Variants in RBM19 observed in about 807,000 individuals in gnomAD.
RBM19 encodes the protein probable RNA-binding protein 19.
Under a neutral mutation model 116.8 loss-of-function variants are expected in RBM19, and 94 were observed. The observed-to-expected ratio is 0.80, with a 90% CI of 0.68 to 0.95. The LOEUF is 0.95. Among genes scored for constraint, RBM19 ranks in the 40% least tolerant of loss-of-function variants. The probability of loss-of-function intolerance (pLI) is 0.00; values close to 1 mark genes in which losing one functional copy is unlikely to be tolerated. For synonymous variants in RBM19, 475 were observed against 494.1 expected, an observed-to-expected ratio of 0.96 and a Z score of 0.51; for missense variants, 1,161 against 1,220.7, an observed-to-expected ratio of 0.95 and a Z score of 0.73.
chr12:113,943,595 G>A (rs945462617), intron 13 of RBM19, among the ~76,000 whole-genome samples: 3 of 152,110 alleles, frequency 2.0e-5, no homozygotes, highest in African/African-American at 7.2e-5. Flanking sequence ...TGAGGCAGGG[G>A]GATCACCTGA....
intron 21 of RBM19, among the ~76,000 whole-genome samples, chr12:113,874,615 A>ATGCAG (rs1250587802): frequency 6.6e-6 from 1 of 152,218 alleles, no homozygotes; most frequent in Non-Finnish European, 1.5e-5. Flanking sequence ...TCAGCCCTTG[A>ATGCAG]ACTCAGTCCT....
intron 10 of RBM19, among the ~76,000 whole-genome samples, chr12:113,947,786 T>C (rs1235213176): frequency 6.6e-6 from 1 of 152,224 alleles, no homozygotes; most frequent in Non-Finnish European, 1.5e-5. Flanking sequence ...CTGCTAGAGT[T>C]AGTGCCAAAG....
chr12:113,909,965 C>T (rs553411392), intron 21 of RBM19, among the ~76,000 whole-genome samples: 3 of 152,196 alleles, frequency 2.0e-5, no homozygotes, highest in South Asian at 2.1e-4. Flanking sequence ...AACTGAGGCC[C>T]GGAGAGCTAA....
intron 21 of RBM19, among the ~76,000 whole-genome samples, chr12:113,880,420 G>A (rs1212502492): frequency 2.0e-5 from 3 of 152,162 alleles, no homozygotes; most frequent in Non-Finnish European, 4.4e-5. Flanking sequence ...TGAACACAGC[G>A]ACATGAATTC....
At chr12:113,920,724 T>G in intron 18 of RBM19, 34 bp from the exon 19 acceptor site, 6 of 1,592,206 alleles carry the variant, frequency 3.8e-6, no homozygotes, top group African/African-American at 1.3e-5. Flanking sequence ...CACCAGTCGG[T>G]GAAGCGGAAG....
intron 16 of RBM19, among the ~76,000 whole-genome samples, chr12:113,929,912 T>C (rs1028654844): frequency 1.3e-5 from 2 of 152,164 alleles, no homozygotes; most frequent in Admixed American, 1.3e-4. Flanking sequence ...AAAAATTTTA[T>C]AGAGAAAAGC....
intron 22 of RBM19, among the ~76,000 whole-genome samples, chr12:113,852,411 T>C (rs1410405892): frequency 6.6e-6 from 1 of 152,152 alleles, no homozygotes. Context: ...CATTTTCAAT[T>C]CCTCCAGGGC....
At chr12:113,834,240 G>A (rs943582541) in intron 23 of RBM19, among the ~76,000 whole-genome samples, 2 of 152,174 alleles carry the variant, frequency 1.3e-5, no homozygotes, top group African/African-American at 4.8e-5. Context: ...TGCTAATAAG[G>A]TCATCAGTGA....
In RBM19 at chr12:113,927,092, T is replaced by G; in HGVS notation, c.2206A>C (p.Asn736His). ...SLPGCTLFIK[N>H]LNFDTTEEKL... The stretch of plus-strand genomic sequence containing the variant: ...TCTTCTGTTGTGTCAAAATTGAGAT[T>G]CTTAATAAACAGAGTACATCCTGGG... The change falls in exon 17 of 24, where the codon AAT becomes CAT. Residue 736 changes from asparagine (N) to histidine (H), a missense_variant. Physicochemically the swap from Asn to His is moderately conservative, Grantham distance 68 (BLOSUM62 1). Transcript: ENST00000261741. 2 of 1,613,602 alleles carry G rather than the reference T, an allele frequency of 1.2e-6. No individual in the cohort carries two copies. The highest frequency in any genetic ancestry group is 1.7e-6 in the Non-Finnish European group (2 of 1,180,000).
chr12:113,937,273 C>T (rs1870154736), intron 15 of RBM19, 137 bp from the exon 16 acceptor site: 2 of 1,029,426 alleles, frequency 1.9e-6, no homozygotes, highest in Non-Finnish European at 1.4e-6. Context: ...GGAAGGAGCC[C>T]AGCCCAGAGC....
At chr12:113,836,843 C>CACAA (rs1206326903) in intron 23 of RBM19, among the ~76,000 whole-genome samples, 1 of 143,492 alleles carries the variant, frequency 7.0e-6, no homozygotes, top group Non-Finnish European at 1.5e-5. Flanking sequence ...CACACACACA[C>CACAA]GTGTCCCAAG....
At chr12:113,858,263 C>T (rs573595518) in intron 22 of RBM19, among the ~76,000 whole-genome samples, 3 of 152,342 alleles carry the variant, frequency 2.0e-5, no homozygotes, top group South Asian at 2.1e-4. Flanking sequence ...GGAGGGATTT[C>T]GGTATGCACG....
At chr12:113,928,717 G>T (rs1160248490) in intron 16 of RBM19, among the ~76,000 whole-genome samples, 4 of 150,814 alleles carry the variant, frequency 2.7e-5, no homozygotes, top group African/African-American at 9.7e-5. Context: ...CTGCAGTGGC[G>T]CTAAGCATGT....
At chr12:113,937,301 C>T (rs190313854) in intron 15 of RBM19, 165 bp from the exon 16 acceptor site, 2 of 735,548 alleles carry the variant, frequency 2.7e-6, no homozygotes, top group East Asian at 2.9e-5. Flanking sequence ...GCTGTCTACT[C>T]CCTGAGGACA....
chr12:113,859,029 C>T, intron 21 of RBM19, 133 bp from the exon 22 acceptor site: 1 of 749,674 alleles, frequency 1.3e-6, no homozygotes, highest in Non-Finnish European at 2.2e-6. Flanking sequence ...CACACACGCT[C>T]ACACATGTCA....
chr12:113,960,866 C>T (rs529791396), intron 2 of RBM19, among the ~76,000 whole-genome samples: 54 of 152,332 alleles, frequency 3.5e-4, no homozygotes, highest in African/African-American at 1.1e-3. Context: ...CCTGAGCTGA[C>T]GCACTATTCA....
Position 113,889,551 on chromosome 12 carries a change from A to G in RBM19, c.2558+25418T>C, listed in dbSNP as rs113660037. On this transcript the variant is annotated intron_variant, in intron 21 of 23. Transcript: ENST00000261741. Reference sequence around the variant, plus strand: ...CTCCTGCAGTCACTCTGCCTTTAAGACCAGCCCCACGGGTCCTCAGTTGAA... The same window carrying G: ...CTCCTGCAGTCACTCTGCCTTTAAGGCCAGCCCCACGGGTCCTCAGTTGAA... Among the ~76,000 whole-genome samples the G allele has an allele frequency of 1.1e-4, 16 of 152,238 alleles. 1 individual carries two copies. Among genetic ancestry groups the G allele is most frequent in the African/African-American group, 3.6e-4 (15 of 41,562 alleles).
chr12:113,836,096 T>C (rs1195154780), intron 23 of RBM19, among the ~76,000 whole-genome samples: 2 of 152,194 alleles, frequency 1.3e-5, no homozygotes, highest in Non-Finnish European at 2.9e-5. Flanking sequence ...GACTTTCCTC[T>C]TTCTTCCCTC....
downstream of RBM19, among the ~76,000 whole-genome samples, chr12:113,819,036 C>A (rs535511676): frequency 3.5e-4 from 54 of 152,244 alleles, no homozygotes; most frequent in Non-Finnish European, 7.3e-4. Context: ...CAGGCGCCCG[C>A]TAGTGCCCAC....
Sources: allele counts gnomAD v4.1 joint callset (sites outside exome capture counted in the v4.1 genomes callset), GRCh38; gene constraint gnomAD v4.1.1; transcripts MANE v1.5; gene names NCBI Gene and HGNC (gene_info 2026-07-23, HGNC 2026-07-21).